PAK4: variants seen among roughly 807,000 people sequenced by gnomAD.
PAK4 encodes the protein serine/threonine-protein kinase PAK 4.
PAK4 carries 49 observed loss-of-function variants against 53.5 expected under a neutral mutation model. That is an observed-to-expected ratio of 0.92 (90% CI 0.73 to 1.16). The LOEUF is 1.16. PAK4 is among the 50% of genes most tolerant of loss of function. The pLI is 0.00. For synonymous variants in PAK4, 376 were observed against 375.6 expected, an observed-to-expected ratio of 1.00 and a Z score of -0.01; for missense variants, 824 against 850.7, an observed-to-expected ratio of 0.97 and a Z score of 0.39.
chr19:39,182,411 C>G (rs573072151), downstream of PAK4: 11 of 152,366 alleles, frequency 7.2e-5, no homozygotes, highest in African/African-American at 2.6e-4. Context: ...CTTGCTCTTT[C>G]ATTAGATTTG....
chr19:39,177,622 A>G (rs1600416386), intron 7 of PAK4, 53 bp from the exon 9 acceptor site: 1 of 1,574,722 alleles, frequency 6.4e-7, no homozygotes, highest in Non-Finnish European at 8.6e-7. Flanking sequence ...AGGCCTCCCC[A>G]GGACCCACCA....
chr19:39,176,432 T>G, intron 6 of PAK4, 158 bp from the exon 8 acceptor site: 1 of 909,666 alleles, frequency 1.1e-6, no homozygotes, highest in East Asian at 2.5e-5. Flanking sequence ...GAGCTCCCCA[T>G]TGGTCTGGCT....
intron 1 of PAK4, among the ~76,000 whole-genome samples, chr19:39,128,431 C>G (rs76204921): frequency 0.039 from 5,894 of 152,262 alleles, 285 homozygotes; most frequent in African/African-American, 0.11. Flanking sequence ...CCCTCTGAGG[C>G]TGGCCCAGCC....
intron 1 of PAK4, among the ~76,000 whole-genome samples, chr19:39,145,939 C>T (rs537288153): frequency 1.1e-4 from 16 of 152,306 alleles, no homozygotes; most frequent in South Asian, 6.2e-4. Context: ...TCTAGCTGGA[C>T]GGCCCTGGGC....
At chr19:39,179,422 T>TA (rs1555782154), downstream of PAK4, 2 of 148,464 alleles carry the variant, frequency 1.3e-5, no homozygotes, top group East Asian at 2.1e-4. Context: ...GTGCGATGTG[T>TA]GGGGGGCAGG....
At chr19:39,159,972 G>A (rs563909761) in intron 1 of PAK4, among the ~76,000 whole-genome samples, 3 of 152,328 alleles carry the variant, frequency 2.0e-5, no homozygotes, top group African/African-American at 7.2e-5. Flanking sequence ...CACCCCCCAT[G>A]TGATTTGGCT....
Position 39,173,860 on chromosome 19 carries a change from C to A in PAK4, c.948C>A (p.Asp316Glu). ...TGCAGCTGGTGGTGGACCCAGGCGACCCCCGCTCCTACCTGGACAACTTCA... is the reference window on the plus strand; with the variant it reads ...TGCAGCTGGTGGTGGACCCAGGCGAACCCCGCTCCTACCTGGACAACTTCA... Residue 316 changes from aspartate (D) to glutamate (E), a missense_variant, in exon 4 of 9, where the codon GAC becomes GAA. Around this residue, in one of 2 missense-constraint regions of PAK4, gnomAD observed 346 missense variants for 415.0 expected, o/e 0.83. Transcript: ENST00000358301. The surrounding 1 kb of genome is among the most constrained non-coding windows in gnomAD (Gnocchi z 6.9). The A allele has an allele frequency of 1.2e-6, 2 of 1,612,734 alleles. No individual in the cohort carries two copies. The highest frequency in any genetic ancestry group is 2.2e-5 in the East Asian group (1 of 44,856).
intron 1 of PAK4, among the ~76,000 whole-genome samples, chr19:39,142,287 A>G (rs2073923501): frequency 6.6e-6 from 1 of 152,088 alleles, no homozygotes; most frequent in South Asian, 2.1e-4. Context: ...TGCTTCCTGT[A>G]AGTTAGGACT....
rs546421279 is a variant in PAK4, at chr19:39,164,731, G to A, written c.-22-4801G>A. On this transcript the variant is annotated intron_variant, in intron 1 of 8. Coordinates refer to ENST00000358301, the Ensembl canonical transcript of PAK4. Reference sequence around the variant, plus strand: ...CTGGCTTCCAGGCCCAGCTCTGCTCGGTGAGCTTAGTGAGAGATTTTACCT... The same window carrying A: ...CTGGCTTCCAGGCCCAGCTCTGCTCAGTGAGCTTAGTGAGAGATTTTACCT... Among the ~76,000 whole-genome samples, 8 of 152,306 alleles carry A rather than the reference G, an allele frequency of 5.3e-5. No homozygotes were observed. In the South Asian group the frequency reaches 8.3e-4, roughly 16 times the overall value.
chr19:39,177,768 AT>A lies in PAK4; in HGVS notation c.1581del (p.Arg528GlyfsTer8). ...GCCACCCCTCAAAGCCATGAAGATG[AT>A]TCGGGACAACCTGCCACCCCGACTG... On this transcript the variant is annotated frameshift_variant, in exon 8 of 9. Transcript: ENST00000358301. LOFTEE classifies it high-confidence loss of function. 1 of 1,613,538 alleles carries A rather than the reference AT, an allele frequency of 6.2e-7. No individual in the cohort carries two copies. Among genetic ancestry groups the A allele is most frequent in the Non-Finnish European group, 8.5e-7 (1 of 1,179,602 alleles).
intron 1 of PAK4, among the ~76,000 whole-genome samples, chr19:39,155,134 C>G (rs1051605094): frequency 6.6e-6 from 1 of 152,200 alleles, no homozygotes; most frequent in Non-Finnish European, 1.5e-5. Flanking sequence ...CCTGGATTCA[C>G]CATGGCCTGG....
At chr19:39,130,011 A>T (rs891983725) in intron 1 of PAK4, among the ~76,000 whole-genome samples, 2 of 150,552 alleles carry the variant, frequency 1.3e-5, no homozygotes, top group Non-Finnish European at 1.5e-5. Context: ...AAGGAGACAG[A>T]CCTGCTGTCC....
chr19:39,139,566 T>C (rs1337540667), intron 1 of PAK4, among the ~76,000 whole-genome samples: 4 of 152,292 alleles, frequency 2.6e-5, no homozygotes, highest in Admixed American at 2.6e-4. Flanking sequence ...CCCAGACTCC[T>C]GATGGTCCTA....
At chr19:39,151,856 CT>C (rs1205327294) in intron 1 of PAK4, among the ~76,000 whole-genome samples, 2 of 152,360 alleles carry the variant, frequency 1.3e-5, no homozygotes, top group African/African-American at 4.8e-5. Context: ...GCAACCTCCG[CT>C]TCCTGGTTTC....
chr19:39,168,194 G>A (rs1356933239), intron 1 of PAK4, 36 bp from the exon 2 acceptor site: 1 of 152,258 alleles, frequency 6.6e-6, no homozygotes, highest in African/African-American at 2.4e-5. Flanking sequence ...ATGAATGAAT[G>A]AGTGAGTGAA....
intron 1 of PAK4, among the ~76,000 whole-genome samples, chr19:39,146,174 G>A (rs1413070508): frequency 2.6e-5 from 4 of 152,174 alleles, no homozygotes; most frequent in African/African-American, 9.7e-5. Flanking sequence ...GTCAGGCTGA[G>A]GTCCTGCCTT....
At chr19:39,143,833 G>A (rs997309887) in intron 1 of PAK4, among the ~76,000 whole-genome samples, 33 of 151,978 alleles carry the variant, frequency 2.2e-4, no homozygotes, top group East Asian at 5.8e-4. Flanking sequence ...GTAAAAGGGC[G>A]TGGTGGCATG....
chr19:39,131,674 G>A (rs528491865), intron 1 of PAK4, among the ~76,000 whole-genome samples: 50 of 152,316 alleles, frequency 3.3e-4, no homozygotes, highest in African/African-American at 1.0e-3. Context: ...AGAAGCCACC[G>A]CTCACTGAAG....
chr19:39,155,094 T>TGTGCC, intron 1 of PAK4, among the ~76,000 whole-genome samples: 1 of 151,934 alleles, frequency 6.6e-6, no homozygotes, highest in South Asian at 2.1e-4. Flanking sequence ...GTCTGTCTGC[T>TGTGCC]GTGTGCCGGG....
Sources: allele counts gnomAD v4.1 joint callset (sites outside exome capture counted in the v4.1 genomes callset), GRCh38; gene constraint gnomAD v4.1.1; regional missense constraint gnomAD v4.1.1; non-coding constraint Gnocchi (gnomAD v3.1); transcripts MANE v1.5; gene names NCBI Gene and HGNC (gene_info 2026-07-23, HGNC 2026-07-21).